KCNMA1: variants seen among roughly 807,000 people sequenced by gnomAD.
KCNMA1 encodes the protein potassium calcium-activated channel subfamily M alpha 1.
A neutral mutation model predicts 140.0 loss-of-function variants in KCNMA1; 29 were observed. That is an observed-to-expected ratio of 0.21 (90% CI 0.15 to 0.28). The LOEUF (loss-of-function observed/expected upper bound fraction) is 0.28. Among genes scored for constraint, KCNMA1 ranks in the 10% least tolerant of loss-of-function variants. The pLI is 1.00. For missense variants in KCNMA1, 880 were observed against 1,602.2 expected (o/e 0.55, Z 7.70); for synonymous variants, 612 against 611.9 (o/e 1.00, Z 0.00).
At chr10:77,636,798 T>C in intron 1 of KCNMA1, 2 of 1,450,480 alleles carry the variant, frequency 1.4e-6, no homozygotes, top group Non-Finnish European at 1.8e-6. Flanking sequence ...CACGAACTCA[T>C]CTCCCCAACA....
chr10:77,533,965 A>G (rs964161835), intron 1 of KCNMA1, among the ~76,000 whole-genome samples: 4 of 152,092 alleles, frequency 2.6e-5, no homozygotes, highest in Non-Finnish European at 5.9e-5. Context: ...CTCTTGCTCC[A>G]TCTATGCCAA....
chr10:77,514,294 C>T (rs140838153), intron 1 of KCNMA1, among the ~76,000 whole-genome samples: 6 of 152,348 alleles, frequency 3.9e-5, no homozygotes, highest in Admixed American at 1.3e-4. Context: ...GCAAACACCA[C>T]GCCCTAGAAA....
chr10:77,333,844 G>A (rs1283154549), intron 2 of KCNMA1, among the ~76,000 whole-genome samples: 3 of 152,170 alleles, frequency 2.0e-5, no homozygotes, highest in African/African-American at 7.2e-5. Flanking sequence ...TAATTGGCAC[G>A]TTTTCCTGCT....
chr10:77,179,729 G>A, intron 5 of KCNMA1, among the ~76,000 whole-genome samples: 1 of 152,118 alleles, frequency 6.6e-6, no homozygotes, highest in South Asian at 2.1e-4. Flanking sequence ...CCACTCCCAG[G>A]AGATGTGACC....
chr10:77,535,233 A>G (rs1300445092), intron 1 of KCNMA1, among the ~76,000 whole-genome samples: 1 of 152,236 alleles, frequency 6.6e-6, no homozygotes, highest in African/African-American at 2.4e-5. Context: ...CTCAAAAGTC[A>G]AAAGGTCCCA....
At chr10:77,017,703 T>C (rs2092316765) in intron 17 of KCNMA1, among the ~76,000 whole-genome samples, 1 of 152,214 alleles carries the variant, frequency 6.6e-6, no homozygotes, top group Non-Finnish European at 1.5e-5. Flanking sequence ...CATCGTTCTG[T>C]GCTCAGCGTA....
At position 77,472,214 on chromosome 10, in the gene KCNMA1, T is replaced by C. The variant is rs1445382581; in HGVS notation, c.379-68191A>G. 2.7e-5 allele frequency among the ~76,000 whole-genome samples: 4 copies of C among 148,374 alleles called. No individual in the cohort carries two copies. In the East Asian group the frequency reaches 8.0e-4, roughly 30 times the overall value. On this transcript the variant is annotated intron_variant, in intron 1 of 27. Coordinates refer to ENST00000286628, the MANE Select transcript of KCNMA1 (RefSeq NM_001161352.2). ...ACAAATACACCACACACACACACAC[T>C]ACACACACACTATACATACATCACA...
At chr10:77,205,486 C>T (rs967084833) in intron 3 of KCNMA1, among the ~76,000 whole-genome samples, 10 of 152,100 alleles carry the variant, frequency 6.6e-5, no homozygotes, top group Admixed American at 5.9e-4. Flanking sequence ...GGATTTTAAC[C>T]CAAAGGGTCT....
chr10:77,634,187 C>T (rs1041851241), intron 1 of KCNMA1: 5 of 985,308 alleles, frequency 5.1e-6, no homozygotes, highest in African/African-American at 3.5e-5. Context: ...CAGGATTGAA[C>T]TTCACAACGT....
chr10:77,116,930 T>A (rs567602900), intron 6 of KCNMA1, among the ~76,000 whole-genome samples: 1 of 152,214 alleles, frequency 6.6e-6, no homozygotes, highest in African/African-American at 2.4e-5. Flanking sequence ...GTAAAGTCCA[T>A]GAATCTAAGA....
chr10:77,504,601 A>T (rs816830), intron 1 of KCNMA1, among the ~76,000 whole-genome samples: 16,442 of 151,892 alleles, frequency 0.11, 1,217 homozygotes, highest in African/African-American at 0.19. Context: ...TTTTTGTTAT[A>T]TTTTTAGAGA....
chr10:77,201,900 C>T (rs1015371036), intron 3 of KCNMA1, among the ~76,000 whole-genome samples: 5 of 152,092 alleles, frequency 3.3e-5, no homozygotes, highest in Admixed American at 3.3e-4. Context: ...ATATCAATTT[C>T]CTGGTTTTGA....
intron 18 of KCNMA1, among the ~76,000 whole-genome samples, chr10:77,007,111 A>C (rs567752089): frequency 6.6e-6 from 1 of 152,310 alleles, no homozygotes; most frequent in African/African-American, 2.4e-5. Flanking sequence ...TACAAACATG[A>C]ATAAAGACCC....
intron 1 of KCNMA1, chr10:77,498,941 G>C (rs1186001403): frequency 6.6e-6 from 1 of 152,220 alleles, no homozygotes; most frequent in Non-Finnish European, 1.5e-5. Context: ...CCCAGATGAG[G>C]CTGAGTAGGG....
intron 19 of KCNMA1, chr10:76,995,147 T>C (rs984857885): frequency 6.3e-6 from 1 of 158,972 alleles, no homozygotes; most frequent in East Asian, 1.8e-4. Context: ...TCCAGCTCCG[T>C]GAGCCGCACG....
In KCNMA1 at chr10:77,362,111, A is replaced by G. The variant is rs574045423; in HGVS notation, c.540+41751T>C. On this transcript the variant is annotated intron_variant, in intron 2 of 27. Transcript: ENST00000286628. Reference sequence around the variant, plus strand: ...TGTGTCCTCCCTAAGGGGCTTCCAGATCGGTTGTCTCACGCGAGGCTCCCA... The same window carrying G: ...TGTGTCCTCCCTAAGGGGCTTCCAGGTCGGTTGTCTCACGCGAGGCTCCCA... Among the ~76,000 whole-genome samples, 255 of 152,150 alleles carry G rather than the reference A, an allele frequency of 1.7e-3. 2 individuals are homozygous for G. Among genetic ancestry groups the G allele is most frequent in the African/African-American group, 6.0e-3 (248 of 41,514 alleles).
intron 2 of KCNMA1, among the ~76,000 whole-genome samples, chr10:77,317,560 G>A (rs1220897276): frequency 6.6e-6 from 1 of 152,218 alleles, no homozygotes; most frequent in Non-Finnish European, 1.5e-5. Context: ...GCCTGGTTGT[G>A]GGGAAGGGAG....
chr10:76,885,057 T>G lies in KCNMA1; in HGVS notation c.*2209A>C, dbSNP rs1013640990. On this transcript the variant is annotated 3_prime_UTR_variant, in exon 28 of 28. Coordinates refer to ENST00000286628, the MANE Select transcript of KCNMA1 (RefSeq NM_001161352.2). ...GTAAGCTATGTGAGTTTTACAATGC[T>G]TTTAAACTGTCATATTTCCTGTTGA... The G allele has an allele frequency of 6.5e-7, 1 of 1,546,908 alleles. No individual in the cohort carries two copies. The highest frequency in any genetic ancestry group is 2.0e-5 in the Admixed American group (1 of 50,352).
At chr10:77,182,974 C>T (rs995827555) in intron 5 of KCNMA1, among the ~76,000 whole-genome samples, 2 of 152,158 alleles carry the variant, frequency 1.3e-5, no homozygotes, top group Non-Finnish European at 2.9e-5. Flanking sequence ...TACAAAGAAC[C>T]TTGTACCTAT....
Sources: gnomAD v4.1 joint callset for allele counts (sites outside exome capture counted in the v4.1 genomes callset) on GRCh38, gnomAD v4.1.1 for gene constraint, MANE v1.5 for transcripts, NCBI Gene and HGNC (gene_info 2026-07-23, HGNC 2026-07-21) for gene names.